Variants in LRRN4 observed in about 807,000 individuals in gnomAD.
The protein encoded by LRRN4 is leucine rich repeat neuronal 4, also known as leucine-rich repeat neuronal protein 4.
LRRN4 carries 26 observed loss-of-function variants against 22.3 expected under a neutral mutation model. The observed-to-expected ratio is 1.16, with a 90% CI of 0.85 to 1.62. The LOEUF (loss-of-function observed/expected upper bound fraction) is 1.62, where lower values mean the gene tolerates loss of function less well. LRRN4 is among the 40% of genes most tolerant of loss of function. The pLI, the probability that LRRN4 is intolerant of heterozygous loss-of-function variation, is 0.00. For synonymous variants in LRRN4, 496 were observed against 486.2 expected (o/e 1.02, Z -0.26); for missense variants, 1,070 against 1,008.5 (o/e 1.06, Z -0.83).
In LRRN4 at chr20:6,041,673, C is replaced by A. The variant is rs1359273971; in HGVS notation, c.1572G>T (p.Leu524=). The A allele has an allele frequency of 8.1e-6, 13 of 1,612,306 alleles. No individual in the cohort carries two copies. Among genetic ancestry groups the A allele is most frequent in the Non-Finnish European group, 1.0e-5 (12 of 1,179,040 alleles). Residue 524 remains leucine, a synonymous_variant, in exon 5 of 5, where the codon CTG becomes CTT. Transcript: ENST00000378858. The surrounding 1 kb of genome is among the most constrained non-coding windows in gnomAD (Gnocchi z 9.4). ...CTTCCTCCTCCTCACTGTAGTCGTC[C>A]AGCAGCAAGACTGGAATCTCGCCCT... ...LSEGEIPVLL[L]DDYSEEEEGR... is the part of the protein sequence containing the mutation.
At chr20:6,045,790 C>T (rs948631350) in intron 3 of LRRN4, among the ~76,000 whole-genome samples, 2 of 149,172 alleles carry the variant, frequency 1.3e-5, no homozygotes, top group Non-Finnish European at 3.0e-5. Flanking sequence ...CATGTGTAAG[C>T]CTCAACTGGC....
intron 4 of LRRN4, among the ~76,000 whole-genome samples, chr20:6,043,307 T>C (rs191446773): frequency 6.6e-6 from 1 of 151,938 alleles, no homozygotes; most frequent in Non-Finnish European, 1.5e-5. Flanking sequence ...CCCAGCTACT[T>C]GGGAGGATGA....
Position 6,041,670 on chromosome 20 carries a change from G to A in LRRN4, c.1575C>T (p.Asp525=), listed in dbSNP as rs1980955919. The A allele has an allele frequency of 3.7e-6, 6 of 1,611,994 alleles. No homozygotes were observed. The highest frequency in any genetic ancestry group is 2.2e-5 in the East Asian group (1 of 44,842). The change falls in exon 5 of 5, where the codon GAC becomes GAT. Residue 525 remains aspartate (D), a synonymous_variant. Transcript: ENST00000378858. The surrounding 1 kb of genome is among the most constrained non-coding windows in gnomAD (Gnocchi z 9.4). Reference sequence around the variant, plus strand: ...TCCCTTCCTCCTCCTCACTGTAGTCGTCCAGCAGCAAGACTGGAATCTCGC... The same window carrying A: ...TCCCTTCCTCCTCCTCACTGTAGTCATCCAGCAGCAAGACTGGAATCTCGC... ...SEGEIPVLLL[D]DYSEEEEGRK... is the part of the protein sequence containing the mutation.
At position 6,050,859 on chromosome 20, in the gene LRRN4, A is replaced by G. The variant is rs761782923; in HGVS notation, c.780T>C (p.Cys260=). 1.2e-6 allele frequency: 2 copies of G among 1,614,084 alleles called. No individual in the cohort carries two copies. Among genetic ancestry groups the G allele is most frequent in the South Asian group, 2.2e-5 (2 of 91,074 alleles). The stretch of plus-strand genomic sequence containing the variant: ...CAGAAGCAAGTGCTGGGGAGTCCTG[A>G]CAGTCCAGCTGCTGCAGGTTGGGGG... ...KMTPNLQQLD[C]QDSPALASVA... The change falls in exon 3 of 5, where the codon TGT becomes TGC. Residue 260 remains cysteine, a synonymous_variant. Coordinates refer to ENST00000378858, the MANE Select transcript of LRRN4 (RefSeq NM_152611.5).
In LRRN4 at chr20:6,042,205, C is replaced by T. The variant is rs150930367; in HGVS notation, c.1040G>A (p.Gly347Asp). The change falls in exon 5 of 5, where the codon GGC becomes GAC. Residue 347 changes from glycine (G) to aspartate (D), a missense_variant. Transcript: ENST00000378858. ...TMCAPAAGSS[G>D]PFSASLSLSQ... ...GAGTGACAGGGAGGCTGAGAAGGGG[C>T]CGCTGGATCCCGCAGCTGGCGCGCA... is the stretch of plus-strand genomic sequence containing the variant. 1,559 of 1,613,546 alleles carry T rather than the reference C, an allele frequency of 9.7e-4. 13 individuals carry two copies. In the African/African-American group the frequency reaches 0.016, roughly 17 times the overall value.
chr20:6,044,603 AG>A lies in LRRN4; in HGVS notation c.937del (p.Leu313SerfsTer19). On this transcript the variant is annotated frameshift_variant, in exon 4 of 5. Transcript: ENST00000378858. LOFTEE classifies it high-confidence loss of function. ...CCAAGACAAGTCACAACTGCAAGTG[AG>A]GGGGTTGCCAAAGAGGTTGATCGAT... is the stretch of plus-strand genomic sequence containing the variant. ...VLSINLFGNP[L>X]TCSCDLSWLL... 6.3e-7 allele frequency: 1 copy of A among 1,594,542 alleles called. No homozygotes were observed. The highest frequency in any genetic ancestry group is 1.2e-5 in the South Asian group (1 of 85,950).
intron 1 of LRRN4, 71 bp downstream of exon 1, chr20:6,053,759 A>T (rs45617735): frequency 0.077 from 11,667 of 152,330 alleles, 501 homozygotes; most frequent in South Asian, 0.11. Context: ...CTAGCTGGGG[A>T]TGAAGGCAGT....
At chr20:6,047,443 CACACACACACACACACACACACACAG>C (rs1981129953) in intron 3 of LRRN4, among the ~76,000 whole-genome samples, 2 of 149,114 alleles carry the variant, frequency 1.3e-5, no homozygotes, top group South Asian at 4.3e-4. Context: ...CACACACACA[CACACACACACACACACACACACACAG>C]AGACACACAC....
chr20:6,041,942 T>C lies in LRRN4; in HGVS notation c.1303A>G (p.Asn435Asp). The change falls in exon 5 of 5, where the codon AAC (asparagine) becomes GAC (aspartate). Residue 435 changes from asparagine (N) to aspartate (D), a missense_variant. Physicochemically the swap from Asn to Asp is conservative, Grantham distance 23 (BLOSUM62 1). Transcript: ENST00000378858. The surrounding 1 kb of genome is among the most constrained non-coding windows in gnomAD (Gnocchi z 9.4). ...AREGTAPSTT[N>D]SVAGHSNSSV... ...GAGTTGCTGTGACCTGCTACAGAGT[T>C]GGTCGTGGAGGGGGCAGTCCCCTCC... 6.2e-7 allele frequency: 1 copy of C among 1,614,078 alleles called. No individual in the cohort carries two copies. The highest frequency in any genetic ancestry group is 8.5e-7 in the Non-Finnish European group (1 of 1,180,004).
rs185295306 is a variant in LRRN4, at chr20:6,052,511, G to T, written c.289C>A (p.His97Asn). Residue 97 changes from histidine (H) to asparagine (N), a missense_variant, in exon 2 of 5, where the codon CAC becomes AAC. Physicochemically the swap from His to Asn is moderately conservative, Grantham distance 68. Transcript: ENST00000378858. Reference sequence around the variant, plus strand: ...GTCAGCACCTGCAGCTGCTCCAGGTGGCCGAGCTCGGAAGTGCTCAGGGCG... The same window carrying T: ...GTCAGCACCTGCAGCTGCTCCAGGTTGCCGAGCTCGGAAGTGCTCAGGGCG... ...LRALSTSELG[H>N]LEQLQVLTLR... is the part of the protein sequence containing the mutation. The T allele has an allele frequency of 3.2e-6, 5 of 1,583,696 alleles. No individual in the cohort carries two copies. The highest frequency in any genetic ancestry group is 3.5e-5 in the Admixed American group (2 of 57,236).
intron 3 of LRRN4, among the ~76,000 whole-genome samples, chr20:6,047,132 C>G (rs1373863453): frequency 2.0e-5 from 3 of 151,970 alleles, no homozygotes; most frequent in Non-Finnish European, 4.4e-5. Flanking sequence ...TTTCTGCCAC[C>G]CAGTGCCACC....
chr20:6,042,324 G>A (rs1351252422), intron 4 of LRRN4, 78 bp from the exon 5 acceptor site: 30 of 1,468,906 alleles, frequency 2.0e-5, no homozygotes, highest in East Asian at 4.8e-5. Context: ...CCTCATTGCC[G>A]ACGTCACCCC....
chr20:6,052,055 C>G (rs1333787332), intron 2 of LRRN4, 90 bp downstream of exon 2: 2 of 1,444,632 alleles, frequency 1.4e-6, no homozygotes, highest in African/African-American at 1.5e-5. Context: ...GGTCACCCCT[C>G]GAGGAAGAAC....
At position 6,053,265 on chromosome 20, in the gene LRRN4, G is replaced by C. The variant is rs187292790; in HGVS notation, c.-5-461C>G. On this transcript the variant is annotated intron_variant, in intron 1 of 4. Transcript: ENST00000378858. ...TAGAAACATGAGGAAGATTTTGTCCGTTCAGCAACTCTCAGTTACCCCGCT... is the reference window on the plus strand; with the variant it reads ...TAGAAACATGAGGAAGATTTTGTCCCTTCAGCAACTCTCAGTTACCCCGCT... Among the ~76,000 whole-genome samples, 6 of 152,110 alleles carry C rather than the reference G, an allele frequency of 3.9e-5. No homozygotes were observed. In the East Asian group the frequency reaches 1.2e-3, roughly 29 times the overall value.
chr20:6,052,192 A>C lies in LRRN4; in HGVS notation c.608T>G (p.Leu203Arg). ...GAGATCCAGGACTTCGAGCGTGACCAGGGGCGCGCCATCCTCTCCAGCGAA... is the reference window on the plus strand; with the variant it reads ...GAGATCCAGGACTTCGAGCGTGACCCGGGGCGCGCCATCCTCTCCAGCGAA... ...AAFAGEDGAP[L>R]VTLEVLDLSG... The change falls in exon 2 of 5, where the codon CTG becomes CGG. Residue 203 changes from leucine (L) to arginine (R), a missense_variant. Coordinates refer to ENST00000378858, the MANE Select transcript of LRRN4 (RefSeq NM_152611.5). 7 of 1,597,162 alleles carry C rather than the reference A, an allele frequency of 4.4e-6. No individual in the cohort carries two copies. The highest frequency in any genetic ancestry group is 4.3e-6 in the Non-Finnish European group (5 of 1,172,952).
At chr20:6,053,265 G>A (rs187292790) in intron 1 of LRRN4, among the ~76,000 whole-genome samples, 1 of 152,228 alleles carries the variant, frequency 6.6e-6, no homozygotes, top group African/African-American at 2.4e-5. Flanking sequence ...GATTTTGTCC[G>A]TTCAGCAACT....
At chr20:6,045,090 C>T (rs992120684) in intron 3 of LRRN4, among the ~76,000 whole-genome samples, 7 of 148,548 alleles carry the variant, frequency 4.7e-5, no homozygotes, top group African/African-American at 1.5e-4. Context: ...CCTTTACTTA[C>T]ATTGTCTCAT....
intron 3 of LRRN4, among the ~76,000 whole-genome samples, chr20:6,045,905 C>A (rs565618961): frequency 6.7e-6 from 1 of 148,948 alleles, no homozygotes; most frequent in South Asian, 2.1e-4. Flanking sequence ...GGGCAGGCCC[C>A]AGTGCTCAAT....
chr20:6,042,333 C>A, intron 4 of LRRN4, 87 bp from the exon 5 acceptor site: 1 of 1,435,742 alleles, frequency 7.0e-7, no homozygotes, highest in Non-Finnish European at 9.2e-7. Context: ...CGACGTCACC[C>A]CCTGCCAAGC....
Sources: allele counts gnomAD v4.1 joint callset (sites outside exome capture counted in the v4.1 genomes callset), GRCh38; gene constraint gnomAD v4.1.1; non-coding constraint Gnocchi (gnomAD v3.1); transcripts MANE v1.5; gene names NCBI Gene and HGNC (gene_info 2026-07-23, HGNC 2026-07-21).